The following ATXN1 variants were observed in gnomAD, a reference collection of about 807,000 sequenced individuals.
ATXN1 encodes ataxin-1.
ATXN1 carries 8 observed loss-of-function variants against 56.4 expected under a neutral mutation model. The observed-to-expected ratio is 0.14, with a 90% confidence interval of 0.08 to 0.26. The LOEUF (loss-of-function observed/expected upper bound fraction) is 0.26, where lower values mean the gene tolerates loss of function less well. ATXN1 is among the 10% of genes least tolerant of loss of function. The pLI is 1.00. For missense variants in ATXN1, 987 were observed against 1,106.5 expected (o/e 0.89, Z 1.53); for synonymous variants, 514 against 494.6 (o/e 1.04, Z -0.52).
chr6:16,460,457 G>A (rs941516163), intron 6 of ATXN1, among the ~76,000 whole-genome samples: 2 of 152,124 alleles, frequency 1.3e-5, no homozygotes, highest in Non-Finnish European at 2.9e-5. Flanking sequence ...ACAAGGAAAG[G>A]ATCTCACCAT....
At chr6:16,528,392 A>G (rs1375072156) in intron 4 of ATXN1, among the ~76,000 whole-genome samples, 2 of 152,208 alleles carry the variant, frequency 1.3e-5, no homozygotes, top group Non-Finnish European at 2.9e-5. Context: ...AGGGCCCATA[A>G]CATATCATGT....
intron 6 of ATXN1, among the ~76,000 whole-genome samples, chr6:16,357,444 A>G (rs1187322839): frequency 6.6e-6 from 1 of 151,608 alleles, no homozygotes; most frequent in Non-Finnish European, 1.5e-5. Flanking sequence ...TAATTTTTGT[A>G]TTTTTGGTAG....
intron 3 of ATXN1, among the ~76,000 whole-genome samples, chr6:16,657,319 C>T (rs922101895): frequency 4.6e-5 from 7 of 152,158 alleles, no homozygotes; most frequent in Non-Finnish European, 8.8e-5. Context: ...CACTGTAATA[C>T]GTGTGATCTG....
At chr6:16,686,996 C>G (rs2113410504) in intron 2 of ATXN1, among the ~76,000 whole-genome samples, 2 of 152,228 alleles carry the variant, frequency 1.3e-5, no homozygotes, top group Middle Eastern at 6.8e-3. Context: ...GATGGAATTA[C>G]AATCTTAATG....
intron 6 of ATXN1, among the ~76,000 whole-genome samples, chr6:16,347,850 G>A (rs1022365154): frequency 1.3e-5 from 2 of 152,262 alleles, no homozygotes; most frequent in African/African-American, 2.4e-5. Flanking sequence ...AACCTTCTCC[G>A]ATCCCTTTCC....
At chr6:16,574,121 G>A (rs1336174450) in intron 4 of ATXN1, among the ~76,000 whole-genome samples, 2 of 152,210 alleles carry the variant, frequency 1.3e-5, no homozygotes, top group Non-Finnish European at 2.9e-5. Flanking sequence ...CTGCCTTCCA[G>A]GTTCAAGCAA....
At chr6:16,687,121 C>CTGCT (rs1441594573) in intron 2 of ATXN1, among the ~76,000 whole-genome samples, 1 of 152,198 alleles carries the variant, frequency 6.6e-6, no homozygotes, top group Non-Finnish European at 1.5e-5. Flanking sequence ...GCCAAGCTGT[C>CTGCT]TGCTTGCTAG....
intron 6 of ATXN1, among the ~76,000 whole-genome samples, chr6:16,333,442 C>T (rs577350205): frequency 1.8e-4 from 27 of 152,320 alleles, no homozygotes; most frequent in African/African-American, 6.3e-4. Flanking sequence ...TATATGCCCA[C>T]TGACTGCAAG....
chr6:16,721,228 T>C (rs900323381), intron 2 of ATXN1, among the ~76,000 whole-genome samples: 2 of 152,244 alleles, frequency 1.3e-5, no homozygotes, highest in East Asian at 3.8e-4. Flanking sequence ...CAGGAGCTAC[T>C]ACGAACAAGG....
chr6:16,716,997 C>T (rs568108719), intron 2 of ATXN1, among the ~76,000 whole-genome samples: 11 of 152,306 alleles, frequency 7.2e-5, no homozygotes, highest in Admixed American at 3.9e-4. Flanking sequence ...AACTTGACAA[C>T]GGGGAAGAGA....
chr6:16,735,227 G>C (rs1002195446), intron 2 of ATXN1, among the ~76,000 whole-genome samples: 4 of 152,078 alleles, frequency 2.6e-5, no homozygotes, highest in Non-Finnish European at 5.9e-5. Context: ...ACCTATGTAG[G>C]TTTACTGTGA....
chr6:16,583,898 T>A (rs976485211), intron 4 of ATXN1, among the ~76,000 whole-genome samples: 1 of 152,170 alleles, frequency 6.6e-6, no homozygotes, highest in Non-Finnish European at 1.5e-5. Flanking sequence ...TTTTGGAAGA[T>A]TAGGATTATA....
chr6:16,741,291 C>A (rs1760332342), intron 2 of ATXN1, among the ~76,000 whole-genome samples: 2 of 152,154 alleles, frequency 1.3e-5, no homozygotes, highest in South Asian at 2.1e-4. Flanking sequence ...TTAACCACTG[C>A]ACATGGTCTG....
chr6:16,644,852 T>C (rs1763774646), intron 3 of ATXN1, among the ~76,000 whole-genome samples: 2 of 152,144 alleles, frequency 1.3e-5, no homozygotes, highest in African/African-American at 4.8e-5. Context: ...AGCACTAGCA[T>C]GGATGCCAAA....
chr6:16,586,574 C>A (rs1457148586), intron 3 of ATXN1, among the ~76,000 whole-genome samples: 1 of 152,208 alleles, frequency 6.6e-6, no homozygotes, highest in Non-Finnish European at 1.5e-5. Flanking sequence ...TTTACCTCTG[C>A]ATTATTGACA....
intron 6 of ATXN1, chr6:16,432,766 A>G (rs913114205): frequency 9.3e-5 from 14 of 151,206 alleles, no homozygotes; most frequent in Admixed American, 4.6e-4. Flanking sequence ...CTTATAAACT[A>G]TGAAGGGCTT....
intron 5 of ATXN1, among the ~76,000 whole-genome samples, chr6:16,512,726 A>C (rs1581811941): frequency 2.0e-5 from 3 of 152,326 alleles, no homozygotes; most frequent in African/African-American, 7.2e-5. Context: ...ACAAACAGTC[A>C]TTCCCTCCCT....
At chr6:16,738,575 G>C (rs1760218851) in intron 2 of ATXN1, 1 of 152,072 alleles carries the variant, frequency 6.6e-6, no homozygotes, top group Non-Finnish European at 1.5e-5. Context: ...CAAAAGACTA[G>C]AATTTTAAAA....
intron 4 of ATXN1, among the ~76,000 whole-genome samples, chr6:16,525,616 C>G (rs749170659): frequency 6.6e-6 from 1 of 151,988 alleles, no homozygotes; most frequent in Non-Finnish European, 1.5e-5. Context: ...TTTGATAGCA[C>G]AACAGAGTGA....
Sources: gnomAD v4.1 joint callset for allele counts (sites outside exome capture counted in the v4.1 genomes callset) on GRCh38, gnomAD v4.1.1 for gene constraint, MANE v1.5 for transcripts, NCBI Gene and HGNC (gene_info 2026-07-23, HGNC 2026-07-21) for gene names.